Variants in DSCAM observed in about 807,000 individuals in gnomAD.
The protein encoded by DSCAM is cell adhesion molecule DSCAM.
A neutral mutation model predicts 217.7 loss-of-function variants in DSCAM; 47 were observed. That is an observed-to-expected ratio of 0.22 (90% confidence interval 0.17 to 0.28). DSCAM has a LOEUF of 0.28. DSCAM is among the 10% of genes least tolerant of loss of function. DSCAM has a pLI of 1.00. For missense variants in DSCAM, 2,080 were observed against 2,618.3 expected, an observed-to-expected ratio of 0.79 and a Z score of 4.49; for synonymous variants, 1,056 against 1,015.3, an observed-to-expected ratio of 1.04 and a Z score of -0.76.
At chr21:40,132,362 C>T (rs2090162256) in intron 19 of DSCAM, among the ~76,000 whole-genome samples, 1 of 152,220 alleles carries the variant, frequency 6.6e-6, no homozygotes, top group African/African-American at 2.4e-5. Context: ...AGCATTTGCA[C>T]AGCTGTTTGT....
intron 3 of DSCAM, among the ~76,000 whole-genome samples, chr21:40,546,023 T>C (rs2085546239): frequency 6.6e-6 from 1 of 152,212 alleles, no homozygotes. Flanking sequence ...AACCTGGTCG[T>C]AATACTTAAA....
At chr21:40,615,520 A>G (rs2089381683) in intron 3 of DSCAM, 1 of 152,164 alleles carries the variant, frequency 6.6e-6, no homozygotes, top group Non-Finnish European at 1.5e-5. Flanking sequence ...AGAAAGTCAG[A>G]CAACATGGCT....
intron 3 of DSCAM, among the ~76,000 whole-genome samples, chr21:40,514,523 C>G (rs142330291): frequency 6.6e-6 from 1 of 152,258 alleles, no homozygotes; most frequent in African/African-American, 2.4e-5. Context: ...TTTGACATTG[C>G]ATAAAATGGA....
chr21:40,616,138 G>A (rs539517936), intron 3 of DSCAM, among the ~76,000 whole-genome samples: 12 of 152,060 alleles, frequency 7.9e-5, no homozygotes, highest in Non-Finnish European at 1.8e-4. Context: ...TAGCAGAAAG[G>A]GCTTCACTGA....
intron 8 of DSCAM, among the ~76,000 whole-genome samples, chr21:40,325,954 G>T (rs1221413577): frequency 6.6e-6 from 1 of 152,274 alleles, no homozygotes; most frequent in Middle Eastern, 3.4e-3. Context: ...ACCCATGGTA[G>T]TATTTGTACA....
At chr21:40,082,857 A>G (rs557069412) in intron 24 of DSCAM, among the ~76,000 whole-genome samples, 1 of 152,220 alleles carries the variant, frequency 6.6e-6, no homozygotes, top group Admixed American at 6.5e-5. Context: ...CTGAGCATGA[A>G]GCTGGGAAGG....
In DSCAM at chr21:40,476,222, G is replaced by A. The variant is rs184847488; in HGVS notation, c.509-106977C>T. Among the ~76,000 whole-genome samples, 152 of 152,286 alleles carry A rather than the reference G, an allele frequency of 1.0e-3. 1 individual carries two copies. The highest frequency in any genetic ancestry group is 3.4e-3 in the Middle Eastern group (1 of 294). On this transcript the variant is annotated intron_variant, in intron 3 of 32. Transcript: ENST00000400454. ...CCCCATTTGAAGGCCCTTAGTGAAG[G>A]TATATCGATAATTTTAGGGAGATAA...
At position 40,369,416 on chromosome 21, in the gene DSCAM, G is replaced by GTGTGTGTGTGTGTGTT. The variant is rs1168751268; in HGVS notation, c.509-172_509-171insAACACACACACACACA. 1.1e-5 allele frequency: 6 copies of GTGTGTGTGTGTGTGTT among 561,832 alleles called. No homozygotes were observed. The African/African-American group carries it at 1.2e-4, about 11-fold the overall frequency. 34.8% of individuals were successfully genotyped at this position (561,832 alleles called of 1,614,324 possible). A position where few individuals can be genotyped will look rare whatever the true frequency, so the allele number is the denominator to read the frequency against. ...TGTGTGTGTGTGTGTGTGTGTGTGT[G>GTGTGTGTGTGTGTGTT]TGTGTCAATTAAGGGTCCAAGCTGT... On this transcript the variant is annotated intron_variant, in intron 3 of 32. Transcript: ENST00000400454.
At chr21:40,197,095 C>G (rs1156793729) in intron 11 of DSCAM, among the ~76,000 whole-genome samples, 1 of 151,844 alleles carries the variant, frequency 6.6e-6, no homozygotes, top group Non-Finnish European at 1.5e-5. Context: ...ATCTTCTCCC[C>G]TTTCTCCTTA....
chr21:40,057,888 T>G (rs1267298391), intron 28 of DSCAM, among the ~76,000 whole-genome samples: 1 of 148,120 alleles, frequency 6.8e-6, no homozygotes, highest in Non-Finnish European at 1.5e-5. Flanking sequence ...TTTTTTTTTT[T>G]TTTTTGAGAT....
At chr21:40,151,364 G>C (rs1041743652) in intron 16 of DSCAM, among the ~76,000 whole-genome samples, 2 of 151,524 alleles carry the variant, frequency 1.3e-5, no homozygotes, top group Admixed American at 1.3e-4. Context: ...GTCTCCACTG[G>C]CATTCACTGA....
intron 2 of DSCAM, 25 bp downstream of exon 2, chr21:40,708,425 GAAAA>G: frequency 7.2e-7 from 1 of 1,386,438 alleles, no homozygotes; most frequent in Non-Finnish European, 9.4e-7. Context: ...AGCAGGCACA[GAAAA>G]AACAAAGCCC....
At chr21:40,069,902 T>C (rs1235259830) in intron 27 of DSCAM, among the ~76,000 whole-genome samples, 1 of 151,920 alleles carries the variant, frequency 6.6e-6, no homozygotes, top group African/African-American at 2.4e-5. Context: ...AAGAAGGCCA[T>C]ATATACTGGT....
intron 1 of DSCAM, among the ~76,000 whole-genome samples, chr21:40,714,337 TAA>T (rs1456808774): frequency 6.6e-6 from 1 of 152,058 alleles, no homozygotes; most frequent in Admixed American, 6.6e-5. Flanking sequence ...GCTGCAGACA[TAA>T]GACTCCAACC....
intron 3 of DSCAM, among the ~76,000 whole-genome samples, chr21:40,508,896 C>G (rs947391797): frequency 3.4e-5 from 5 of 148,864 alleles, no homozygotes; most frequent in Non-Finnish European, 3.0e-5. Context: ...CCTAGCCTCC[C>G]AAAGTGCTGG....
intron 10 of DSCAM, among the ~76,000 whole-genome samples, chr21:40,278,587 C>T (rs2073719885): frequency 6.6e-6 from 1 of 152,060 alleles, no homozygotes; most frequent in Non-Finnish European, 1.5e-5. Context: ...TAAAAATTAG[C>T]TGGACATGTT....
intron 20 of DSCAM, among the ~76,000 whole-genome samples, chr21:40,106,758 A>G (rs1568943139): frequency 6.6e-6 from 1 of 152,194 alleles, no homozygotes; most frequent in Non-Finnish European, 1.5e-5. Context: ...TTATGTGCAT[A>G]GAGGTGTTCA....
chr21:40,190,565 T>C (rs2090943379), intron 11 of DSCAM, among the ~76,000 whole-genome samples: 1 of 152,174 alleles, frequency 6.6e-6, no homozygotes, highest in Non-Finnish European at 1.5e-5. Flanking sequence ...GTGTTATATA[T>C]GTAGAAAAAC....
chr21:40,026,901 G>A (rs1307640491), intron 32 of DSCAM, among the ~76,000 whole-genome samples: 1 of 152,302 alleles, frequency 6.6e-6, no homozygotes, highest in Non-Finnish European at 1.5e-5. Flanking sequence ...TGTTATGTGT[G>A]TATTTGATCC....
Sources: gnomAD v4.1 joint callset for allele counts (sites outside exome capture counted in the v4.1 genomes callset) on GRCh38, gnomAD v4.1.1 for gene constraint, MANE v1.5 for transcripts, NCBI Gene and HGNC (gene_info 2026-07-23, HGNC 2026-07-21) for gene names.